CPNE3: variants seen among roughly 807,000 people sequenced by gnomAD.
The protein encoded by CPNE3 is copine-3.
A neutral mutation model predicts 63.9 loss-of-function variants in CPNE3; 68 were observed. The ratio of observed to expected loss-of-function variants is 1.06; its 90% CI spans 0.87 to 1.30. The LOEUF is 1.30. Among genes scored for constraint, CPNE3 ranks in the 50% most tolerant of loss-of-function variants. CPNE3 has a pLI of 0.00. For synonymous variants in CPNE3, 219 were observed against 197.5 expected, an observed-to-expected ratio of 1.11 and a Z score of -0.91; for missense variants, 665 against 578.1, an observed-to-expected ratio of 1.15 and a Z score of -1.54.
At chr8:86,522,532 T>C (rs1820456261) in intron 2 of CPNE3, among the ~76,000 whole-genome samples, 1 of 148,706 alleles carries the variant, frequency 6.7e-6, no homozygotes, top group Non-Finnish European at 1.5e-5. Context: ...ACAGCCATAT[T>C]ACCTGACGCC....
chr8:86,527,689 C>A (rs1185228925), intron 2 of CPNE3, among the ~76,000 whole-genome samples: 2 of 151,808 alleles, frequency 1.3e-5, no homozygotes, highest in Non-Finnish European at 2.9e-5. Context: ...AGGAAGCAGC[C>A]AATATTGAGA....
intron 9 of CPNE3, among the ~76,000 whole-genome samples, 183 bp from the exon 10 acceptor site, chr8:86,546,412 T>A (rs1821051162): frequency 1.3e-5 from 2 of 152,132 alleles, no homozygotes; most frequent in African/African-American, 4.8e-5. Context: ...TTGTTGGAAA[T>A]TTACCTGATA....
chr8:86,556,728 T>G (rs1462429036), intron 16 of CPNE3, among the ~76,000 whole-genome samples: 1 of 152,150 alleles, frequency 6.6e-6, no homozygotes, highest in East Asian at 1.9e-4. Flanking sequence ...TAGTACAGAA[T>G]CACAACCAGG....
intron 6 of CPNE3, among the ~76,000 whole-genome samples, chr8:86,536,565 T>A (rs10481198): frequency 0.13 from 19,616 of 151,952 alleles, 3,040 homozygotes; most frequent in African/African-American, 0.38. Flanking sequence ...ACATTAAACT[T>A]TGTGTTCAAG....
intron 9 of CPNE3, among the ~76,000 whole-genome samples, chr8:86,546,145 T>C (rs769702107): frequency 3.3e-5 from 5 of 152,134 alleles, no homozygotes; most frequent in Admixed American, 1.3e-4. Flanking sequence ...TTGGGCTTCA[T>C]ATATTTGTTT....
At chr8:86,533,208 A>G (rs976597961) in intron 6 of CPNE3, among the ~76,000 whole-genome samples, 2 of 152,028 alleles carry the variant, frequency 1.3e-5, no homozygotes, top group African/African-American at 2.4e-5. Context: ...ACTTAATTCT[A>G]TAATCTAGTC....
intron 8 of CPNE3, among the ~76,000 whole-genome samples, chr8:86,543,521 C>G (rs1444889908): frequency 1.3e-5 from 2 of 152,088 alleles, no homozygotes; most frequent in Non-Finnish European, 2.9e-5. Context: ...AGATAAAGCT[C>G]TCTATTGGCT....
rs1563704576 is a variant in CPNE3 at position 86,558,837 on chromosome 8, A to C, written c.*427A>C. ...TATAAGCCAATGTCCATACCTGATT[A>C]TGAGAGCTTCTTAAATTATATGATA... On this transcript the variant is annotated 3_prime_UTR_variant, in exon 17 of 17. Coordinates refer to ENST00000517490, the MANE Select transcript of CPNE3 (RefSeq NM_003909.5). The C allele has an allele frequency of 6.1e-6, 1 of 165,086 alleles. No individual in the cohort carries two copies. 10.2% of individuals were successfully genotyped at this position (165,086 alleles called of 1,614,324 possible).
chr8:86,547,004 C>T (rs546709333), intron 10 of CPNE3, among the ~76,000 whole-genome samples: 538 of 152,198 alleles, frequency 3.5e-3, no homozygotes, highest in African/African-American at 0.012. Context: ...CCACCGCATC[C>T]GACCCAAGCC....
intron 1 of CPNE3, chr8:86,515,246 G>T (rs546522117): frequency 4.6e-5 from 7 of 152,346 alleles, no homozygotes; most frequent in Admixed American, 1.3e-4. Context: ...CATTTATGTT[G>T]CACTTAATGA....
At chr8:86,540,689 C>G (rs879340758) in intron 8 of CPNE3, among the ~76,000 whole-genome samples, 12 of 152,110 alleles carry the variant, frequency 7.9e-5, no homozygotes, top group Admixed American at 7.9e-4. Context: ...TTTGGTATGT[C>G]TGTTGCAGAT....
At position 86,556,249 on chromosome 8, in the gene CPNE3, G is replaced by T. The variant is rs760030978; in HGVS notation, c.1402G>T (p.Asp468Tyr). 1 of 872,912 alleles carries T rather than the reference G, an allele frequency of 1.1e-6. No individual in the cohort carries two copies. The highest frequency in any genetic ancestry group is 1.6e-5 in the African/African-American group (1 of 61,328). 54.1% of individuals were successfully genotyped at this position (872,912 alleles called of 1,614,324 possible). Residue 468 changes from aspartate to tyrosine, a missense_variant, in exon 16 of 17, where the codon GAT becomes TAT. Transcript: ENST00000517490. ...GADFSAMEFLDGDGGSLRSPL... is the reference protein window; with the variant it reads ...GADFSAMEFLYGDGGSLRSPL... ...TGACTTCAGCGCCATGGAGTTTCTG[G>T]ATGGTGATGGTGGAAGTCTCCGCTC... is the stretch of plus-strand genomic sequence containing the variant.
chr8:86,554,753 A>G (rs1821274500), intron 14 of CPNE3, 98 bp from the exon 15 acceptor site: 6 of 1,426,860 alleles, frequency 4.2e-6, no homozygotes, highest in South Asian at 1.3e-5. Flanking sequence ...TTAAAGCACT[A>G]TATGTTGATA....
chr8:86,541,439 C>T (rs1346791868), intron 8 of CPNE3, among the ~76,000 whole-genome samples: 3 of 152,066 alleles, frequency 2.0e-5, no homozygotes, highest in Non-Finnish European at 4.4e-5. Flanking sequence ...CATGGTGGCT[C>T]AGGCCTATAA....
chr8:86,537,480 C>T (rs931266459), intron 6 of CPNE3, 83 bp from the exon 7 acceptor site: 8 of 830,252 alleles, frequency 9.6e-6, no homozygotes, highest in Non-Finnish European at 1.5e-5. Context: ...CAGGTGGTTG[C>T]CAACATGTGT....
At chr8:86,529,663 T>C (rs1350001955) in intron 4 of CPNE3, among the ~76,000 whole-genome samples, 1 of 152,244 alleles carries the variant, frequency 6.6e-6, no homozygotes, top group African/African-American at 2.4e-5. Flanking sequence ...TAATAGTTGC[T>C]TAATTATCTG....
rs543371116 is a variant in CPNE3, at chr8:86,553,503, G to A, written c.1121-1348G>A. ...TAGAAAAGGTACAGTTGCTATAATTGCCTACATTATTCAGCATAGCAATAT... is the reference window on the plus strand; with the variant it reads ...TAGAAAAGGTACAGTTGCTATAATTACCTACATTATTCAGCATAGCAATAT... On this transcript the variant is annotated intron_variant, in intron 14 of 16. Transcript: ENST00000517490. Among the ~76,000 whole-genome samples, 5 of 152,182 alleles carry A rather than the reference G, an allele frequency of 3.3e-5. No individual in the cohort carries two copies. The South Asian group carries it at 1.0e-3, about 32-fold the overall frequency.
At position 86,561,308 on chromosome 8, in the gene CPNE3, T is replaced by G. The variant is rs1821436065; in HGVS notation, c.*2898T>G. 2 of 152,236 alleles carry G rather than the reference T, an allele frequency of 1.3e-5. No homozygotes were observed. The highest frequency in any genetic ancestry group is 6.5e-5 in the Admixed American group (1 of 15,282). The allele number at this position is 152,236 out of a possible 1,614,324, so 9.4% of individuals were successfully genotyped here. ...TGTTAGAAACTGTTTTGTGCTTTTA[T>G]GGATGTCATACTTGACAATACATGT... On this transcript the variant is annotated 3_prime_UTR_variant, in exon 17 of 17. Transcript: ENST00000517490.
At chr8:86,525,807 T>C (rs1206031546) in intron 2 of CPNE3, among the ~76,000 whole-genome samples, 1 of 152,190 alleles carries the variant, frequency 6.6e-6, no homozygotes, top group Non-Finnish European at 1.5e-5. Flanking sequence ...TTAGCTATTG[T>C]TGCTCATTCT....
Sources: gnomAD v4.1 joint callset for allele counts (sites outside exome capture counted in the v4.1 genomes callset) on GRCh38, gnomAD v4.1.1 for gene constraint, MANE v1.5 for transcripts, NCBI Gene and HGNC (gene_info 2026-07-23, HGNC 2026-07-21) for gene names.